BLTP3A: variants seen among roughly 807,000 people sequenced by gnomAD.
The protein encoded by BLTP3A is bridge-like lipid transfer protein family member 3A.
the BLTP3A span, among the ~76,000 whole-genome samples, chr6:34,837,510 T>G: frequency 6.8e-6 from 1 of 146,848 alleles, no homozygotes; most frequent in East Asian, 1.9e-4. Context: ...ATAGTGAGAC[T>G]CCATCTCTTA....
At chr6:34,866,250 A>G in the BLTP3A span, among the ~76,000 whole-genome samples, 2 of 151,990 alleles carry the variant, frequency 1.3e-5, no homozygotes, top group Non-Finnish European at 2.9e-5. Flanking sequence ...CTAAAAATAC[A>G]AAAATTAGCC....
the BLTP3A span, among the ~76,000 whole-genome samples, chr6:34,854,928 T>C: frequency 7.2e-5 from 11 of 152,208 alleles, no homozygotes; most frequent in African/African-American, 2.7e-4. Flanking sequence ...CTTTCTACTT[T>C]TACAGTTCTT....
At chr6:34,869,818 A>C in the BLTP3A span, among the ~76,000 whole-genome samples, 1 of 151,224 alleles carries the variant, frequency 6.6e-6, no homozygotes, top group East Asian at 1.9e-4. Flanking sequence ...CGCCTGACTA[A>C]TTTTTTTGTA....
the BLTP3A span, among the ~76,000 whole-genome samples, chr6:34,840,436 G>A: frequency 6.7e-6 from 1 of 149,312 alleles, no homozygotes; most frequent in African/African-American, 2.5e-5. Flanking sequence ...CGTGGTGGCA[G>A]GCACCTGTAA....
the BLTP3A span, among the ~76,000 whole-genome samples, chr6:34,832,123 C>CT: frequency 0.44 from 62,157 of 141,818 alleles, 14,921 homozygotes; most frequent in African/African-American, 0.67. Context: ...TTTTTTCTTT[C>CT]TTTTTTTTTT....
At chr6:34,807,165 G>A in the BLTP3A span, among the ~76,000 whole-genome samples, 3 of 152,170 alleles carry the variant, frequency 2.0e-5, no homozygotes. Flanking sequence ...CGGAAGTAAA[G>A]GAAATTAAGG....
the BLTP3A span, chr6:34,834,799 G>A: frequency 6.2e-7 from 1 of 1,614,156 alleles, no homozygotes; most frequent in Non-Finnish European, 8.5e-7. Context: ...TCAGGACCCA[G>A]TCACCACTCC....
chr6:34,836,218 C>G, the BLTP3A span: 1 of 1,614,162 alleles, frequency 6.2e-7, no homozygotes, highest in Non-Finnish European at 8.5e-7. Context: ...GCAGCCAGGG[C>G]AACAGCAACA....
chr6:34,818,418 A>G, the BLTP3A span, among the ~76,000 whole-genome samples: 3 of 151,706 alleles, frequency 2.0e-5, no homozygotes, highest in African/African-American at 4.8e-5. Context: ...GCAGTGAGCC[A>G]TGATGGTACC....
At chr6:34,871,571 C>G in the BLTP3A span, 1 of 1,611,340 alleles carries the variant, frequency 6.2e-7, no homozygotes, top group Non-Finnish European at 8.5e-7. Context: ...TGTGGTTTCT[C>G]TCTTTCCTGC....
At chr6:34,830,576 C>G in the BLTP3A span, among the ~76,000 whole-genome samples, 1 of 151,396 alleles carries the variant, frequency 6.6e-6, no homozygotes, top group Non-Finnish European at 1.5e-5. Context: ...GGTCACAGAG[C>G]AAGACTCTGT....
At chr6:34,815,241 G>GTGTTTGTT in the BLTP3A span, among the ~76,000 whole-genome samples, 29,941 of 151,442 alleles carry the variant, frequency 0.2, 3,541 homozygotes, top group African/African-American at 0.32. Flanking sequence ...AAATAAGTTG[G>GTGTTTGTT]TGTTTGTTTG....
chr6:34,856,787 T>C, the BLTP3A span: 1 of 1,610,382 alleles, frequency 6.2e-7, no homozygotes, highest in Non-Finnish European at 8.5e-7. Flanking sequence ...TATTTTTATT[T>C]AGATTCTCTT....
At chr6:34,859,269 A>G in the BLTP3A span, 11 of 1,614,034 alleles carry the variant, frequency 6.8e-6, 1 homozygote, top group African/African-American at 6.7e-5. Flanking sequence ...GCCATGAGGC[A>G]GTAGAGTCCC....
the BLTP3A span, among the ~76,000 whole-genome samples, chr6:34,810,540 T>G: frequency 6.6e-5 from 10 of 152,236 alleles, no homozygotes; most frequent in Non-Finnish European, 1.5e-4. Flanking sequence ...CTGGATTGCA[T>G]TCCATGATCA....
chr6:34,818,480 A>G, the BLTP3A span, among the ~76,000 whole-genome samples: 3 of 144,328 alleles, frequency 2.1e-5, no homozygotes, highest in African/African-American at 8.0e-5. Flanking sequence ...GAAAAAAAAA[A>G]GAAAAAAACG....
chr6:34,862,454 AGTT>A, the BLTP3A span, among the ~76,000 whole-genome samples: 40 of 152,228 alleles, frequency 2.6e-4, no homozygotes, highest in African/African-American at 8.2e-4. Context: ...ACATTTTTAA[AGTT>A]GTTGATGCAT....
the BLTP3A span, chr6:34,859,022 G>A: frequency 1.2e-6 from 2 of 1,614,176 alleles, no homozygotes; most frequent in Non-Finnish European, 8.5e-7. Context: ...CCTGCACCCG[G>A]TGCTGTCGAT....
the BLTP3A span, among the ~76,000 whole-genome samples, chr6:34,842,988 T>G: frequency 6.6e-6 from 1 of 152,156 alleles, no homozygotes; most frequent in African/African-American, 2.4e-5. Flanking sequence ...AAAATTTTAT[T>G]TATTTATTTT....
Sources: allele counts gnomAD v4.1 joint callset (sites outside exome capture counted in the v4.1 genomes callset), GRCh38; gene constraint gnomAD v4.1.1; transcripts MANE v1.5; gene names NCBI Gene and HGNC (gene_info 2026-07-23, HGNC 2026-07-21).